Variants in SPAG16 observed in about 807,000 individuals in gnomAD.
SPAG16 encodes the protein sperm associated antigen 16, also known as sperm-associated antigen 16 protein.
In SPAG16, 86 loss-of-function variants were observed where a neutral mutation model predicts 80.4. That is an observed-to-expected ratio of 1.07 (90% CI 0.90 to 1.28). The LOEUF (loss-of-function observed/expected upper bound fraction) is 1.28, where lower values mean the gene tolerates loss of function less well. Among genes scored for constraint, SPAG16 ranks in the 50% most tolerant of loss-of-function variants. The probability of loss-of-function intolerance (pLI) is 0.00; values close to 1 mark genes in which losing one functional copy is unlikely to be tolerated. For synonymous variants in SPAG16, 294 were observed against 265.9 expected, an observed-to-expected ratio of 1.11 and a Z score of -1.03; for missense variants, 870 against 765.3, an observed-to-expected ratio of 1.14 and a Z score of -1.61.
intron 15 of SPAG16, among the ~76,000 whole-genome samples, chr2:214,209,104 C>T (rs537882820): frequency 6.6e-6 from 1 of 152,134 alleles, no homozygotes; most frequent in South Asian, 2.1e-4. Context: ...TTTTAGATCC[C>T]ATTAGCTAAA....
In SPAG16 at chr2:213,345,555, G is replaced by T. The variant is rs540816707; in HGVS notation, c.645-4973G>T. 2.6e-3 allele frequency among the ~76,000 whole-genome samples: 326 copies of T among 124,740 alleles called. 1 individual carries two copies. The highest frequency in any genetic ancestry group is 9.6e-3 in the African/African-American group (306 of 31,804). The allele number at this position is 124,740 out of a possible 152,430, so 81.8% of individuals were successfully genotyped here. On this transcript the variant is annotated intron_variant, in intron 6 of 15. Coordinates refer to ENST00000331683, the MANE Select transcript of SPAG16 (RefSeq NM_024532.5). ...TTTAATCCATCTTGAATTAATTTTT[G>T]TATAAGGTGTGAGGAAGGGATCCAG...
intron 7 of SPAG16, among the ~76,000 whole-genome samples, chr2:213,362,260 A>T (rs927315789): frequency 5.3e-5 from 8 of 152,234 alleles, no homozygotes; most frequent in African/African-American, 1.9e-4. Flanking sequence ...AATATAAAAT[A>T]AATATCTTTG....
At chr2:213,838,425 G>T (rs554449073) in intron 10 of SPAG16, among the ~76,000 whole-genome samples, 2 of 152,038 alleles carry the variant, frequency 1.3e-5, no homozygotes, top group Admixed American at 1.3e-4. Context: ...CATCCGCCTC[G>T]GCCTTCCAAA....
chr2:213,804,689 C>A (rs113686984), intron 10 of SPAG16, among the ~76,000 whole-genome samples: 94 of 97,156 alleles, frequency 9.7e-4, no homozygotes, highest in African/African-American at 2.8e-3. Context: ...TCTCAACTAA[C>A]TAACTAACTA....
intron 11 of SPAG16, among the ~76,000 whole-genome samples, chr2:213,897,010 G>C (rs1433808208): frequency 6.6e-6 from 1 of 152,054 alleles, no homozygotes; most frequent in Non-Finnish European, 1.5e-5. Flanking sequence ...AGATAGACTT[G>C]TACAGTGACT....
At chr2:214,170,993 G>A (rs1282449986) in intron 15 of SPAG16, among the ~76,000 whole-genome samples, 1 of 152,038 alleles carries the variant, frequency 6.6e-6, no homozygotes, top group African/African-American at 2.4e-5. Flanking sequence ...ATATAGCACT[G>A]TGATGGATAA....
intron 10 of SPAG16, among the ~76,000 whole-genome samples, chr2:213,668,543 T>C (rs906705754): frequency 6.6e-6 from 1 of 152,330 alleles, no homozygotes; most frequent in Middle Eastern, 3.4e-3. Context: ...ATTTCACTCT[T>C]ATGTAATTAA....
rs146532641 is a variant in SPAG16, at chr2:214,258,471, G to GTATATA, written c.1720+109220_1720+109225dup. On this transcript the variant is annotated intron_variant, in intron 15 of 15. Coordinates refer to ENST00000331683, the MANE Select transcript of SPAG16 (RefSeq NM_024532.5). The stretch of plus-strand genomic sequence containing the variant: ...ACAGTGTGTGTATGTATGTGTGTGT[G>GTATATA]TATATATATATATATATATACACAC... Among the ~76,000 whole-genome samples the GTATATA allele has an allele frequency of 8.6e-3, 1,216 of 141,352 alleles. 12 individuals carry two copies. The highest frequency in any genetic ancestry group is 0.022 in the East Asian group (107 of 4,828). 92.7% of individuals were successfully genotyped at this position (141,352 alleles called of 152,430 possible).
rs370717044 is a variant in SPAG16 at position 213,704,953 on chromosome 2, G to GA, written c.1071-157522dup. ...ACTACGGTAGTGGCAACAGGAATTAGAAAAAAAAAATTAAATAGGCTAGGC... is the reference window on the plus strand; with the variant it reads ...ACTACGGTAGTGGCAACAGGAATTAGAAAAAAAAAAATTAAATAGGCTAGGC... On this transcript the variant is annotated intron_variant, in intron 10 of 15. Transcript: ENST00000331683. 5.6e-3 allele frequency among the ~76,000 whole-genome samples: 837 copies of GA among 150,214 alleles called. 1 individual carries two copies. Among genetic ancestry groups the GA allele is most frequent in the Non-Finnish European group, 8.3e-3 (562 of 67,378 alleles).
intron 5 of SPAG16, among the ~76,000 whole-genome samples, chr2:213,321,875 T>C (rs887927062): frequency 2.6e-5 from 4 of 152,096 alleles, no homozygotes; most frequent in Non-Finnish European, 4.4e-5. Flanking sequence ...AAGAACAATA[T>C]TTTTCTCAGA....
chr2:214,034,281 A>G lies in SPAG16; in HGVS notation c.1527+20204A>G, dbSNP rs115041915. Among the ~76,000 whole-genome samples the G allele has an allele frequency of 9.8e-3, 1,500 of 152,336 alleles. 14 individuals carry two copies. Among genetic ancestry groups the G allele is most frequent in the Middle Eastern group, 0.014 (4 of 294 alleles). ...TTATGGTAGACTCTGCTGTCTCTCT[A>G]CTGTAAAGCAGAATATTTAACTTTG... On this transcript the variant is annotated intron_variant, in intron 13 of 15. Transcript: ENST00000331683.
chr2:213,552,714 G>A (rs975812237), intron 10 of SPAG16, among the ~76,000 whole-genome samples: 1 of 152,138 alleles, frequency 6.6e-6, no homozygotes, highest in Non-Finnish European at 1.5e-5. Context: ...TGTCAAAGAA[G>A]ATTAACATTT....
chr2:213,635,909 G>T (rs2062343908), intron 10 of SPAG16, among the ~76,000 whole-genome samples: 1 of 152,050 alleles, frequency 6.6e-6, no homozygotes, highest in African/African-American at 2.4e-5. Flanking sequence ...TTGTCTGCTG[G>T]CTCTGCTGAT....
intron 13 of SPAG16, among the ~76,000 whole-genome samples, chr2:214,065,136 T>TA (rs1418468723): frequency 1.3e-5 from 2 of 152,088 alleles, no homozygotes; most frequent in African/African-American, 4.8e-5. Context: ...CAGAATAACT[T>TA]ATCTATGTCC....
At chr2:213,914,380 A>T (rs1034084647) in intron 11 of SPAG16, among the ~76,000 whole-genome samples, 6 of 152,244 alleles carry the variant, frequency 3.9e-5, no homozygotes, top group Admixed American at 3.3e-4. Context: ...TTGCCAGTAG[A>T]GGAAAATTTT....
At chr2:214,111,066 C>T (rs900612865) in intron 14 of SPAG16, among the ~76,000 whole-genome samples, 5 of 152,036 alleles carry the variant, frequency 3.3e-5, no homozygotes, top group South Asian at 2.1e-4. Flanking sequence ...AAAATTTTCT[C>T]CCATCCTGTA....
At chr2:214,229,165 A>G (rs930087967) in intron 15 of SPAG16, among the ~76,000 whole-genome samples, 1 of 150,546 alleles carries the variant, frequency 6.6e-6, no homozygotes, top group African/African-American at 2.5e-5. Flanking sequence ...GAAAAAAAAA[A>G]AGGATAATTT....
At chr2:213,474,061 G>T (rs2073241849) in intron 9 of SPAG16, among the ~76,000 whole-genome samples, 2 of 152,180 alleles carry the variant, frequency 1.3e-5, no homozygotes, top group African/African-American at 4.8e-5. Flanking sequence ...ATGGGTTGGG[G>T]AGGGGCTGTT....
chr2:214,026,849 C>T (rs1017252354), intron 13 of SPAG16, among the ~76,000 whole-genome samples: 1 of 151,408 alleles, frequency 6.6e-6, no homozygotes, highest in Admixed American at 6.6e-5. Context: ...ATATAAAATC[C>T]TTTATTTAAA....
Sources: gnomAD v4.1 joint callset for allele counts (sites outside exome capture counted in the v4.1 genomes callset) on GRCh38, gnomAD v4.1.1 for gene constraint, MANE v1.5 for transcripts, NCBI Gene and HGNC (gene_info 2026-07-23, HGNC 2026-07-21) for gene names.